The following FHIT variants were observed in gnomAD, a reference collection of about 807,000 sequenced individuals.
FHIT encodes the protein fragile histidine triad diadenosine triphosphatase.
A neutral mutation model predicts 17.9 loss-of-function variants in FHIT; 19 were observed. The observed-to-expected ratio is 1.06, with a 90% CI of 0.74 to 1.56. The LOEUF is 1.56. FHIT is among the 40% of genes most tolerant of loss of function. The probability of loss-of-function intolerance (pLI) is 0.00; values close to 1 mark genes in which losing one functional copy is unlikely to be tolerated. For synonymous variants in FHIT, 81 were observed against 69.7 expected (o/e 1.16, Z -0.81); for missense variants, 248 against 189.2 (o/e 1.31, Z -1.82).
At chr3:60,861,083 T>C (rs533332647) in intron 3 of FHIT, among the ~76,000 whole-genome samples, 1 of 95,452 alleles carries the variant, frequency 1.0e-5, no homozygotes, top group Admixed American at 1.3e-4. Flanking sequence ...ATGTACGTCA[T>C]ATATATCAGA....
intron 2 of FHIT, among the ~76,000 whole-genome samples, chr3:61,171,511 T>C (rs10049454): frequency 0.47 from 70,722 of 152,024 alleles, 17,322 homozygotes; most frequent in East Asian, 0.87. Context: ...AACTAAAGTG[T>C]ATCACACACC....
intron 3 of FHIT, among the ~76,000 whole-genome samples, chr3:60,961,284 G>GT (rs1709428266): frequency 6.6e-6 from 1 of 151,414 alleles, no homozygotes; most frequent in Admixed American, 6.6e-5. Context: ...GGGGTTGTTT[G>GT]TTTTTTTCTT....
chr3:60,234,926 T>C (rs1190402213), intron 5 of FHIT, among the ~76,000 whole-genome samples: 1 of 152,142 alleles, frequency 6.6e-6, no homozygotes, highest in Non-Finnish European at 1.5e-5. Context: ...AGGATAACTG[T>C]AGTTAGTTAA....
chr3:60,955,613 T>TATATATACATATATATATATAC (rs1709100131), intron 3 of FHIT, among the ~76,000 whole-genome samples: 1 of 13,312 alleles, frequency 7.5e-5, no homozygotes, highest in African/African-American at 1.2e-4. Flanking sequence ...TATATATATA[T>TATATATACATATATATATATAC]ATATATATAT....
At chr3:60,735,295 T>C (rs1359151477) in intron 4 of FHIT, among the ~76,000 whole-genome samples, 1 of 152,222 alleles carries the variant, frequency 6.6e-6, no homozygotes, top group Non-Finnish European at 1.5e-5. Flanking sequence ...CTCATTGTGC[T>C]GGTACCATCA....
intron 7 of FHIT, among the ~76,000 whole-genome samples, chr3:59,995,120 C>T (rs768020478): frequency 3.5e-4 from 53 of 152,014 alleles, no homozygotes; most frequent in Non-Finnish European, 7.7e-4. Flanking sequence ...CTCTGTTCAT[C>T]CCTTCTGACA....
intron 4 of FHIT, among the ~76,000 whole-genome samples, chr3:60,803,575 T>G (rs1231283119): frequency 1.3e-5 from 2 of 152,168 alleles, no homozygotes; most frequent in African/African-American, 4.8e-5. Flanking sequence ...TGTGGAAAGT[T>G]ACTGAATGGG....
rs527951488 is a variant in FHIT at position 60,655,506 on chromosome 3, C to T, written c.-17-118527G>A. Reference sequence around the variant, plus strand: ...ACGAGGAGAGAGCAAATGCAGTGTACGGAAATGAGACACATCATTTTATCT... The same window carrying T: ...ACGAGGAGAGAGCAAATGCAGTGTATGGAAATGAGACACATCATTTTATCT... On this transcript the variant is annotated intron_variant, in intron 4 of 9. Coordinates refer to ENST00000492590, the MANE Select transcript of FHIT (RefSeq NM_002012.4). Among the ~76,000 whole-genome samples the T allele has an allele frequency of 1.2e-4, 19 of 152,146 alleles. 1 individual carries two copies. The highest frequency in any genetic ancestry group is 1.2e-3 in the South Asian group (6 of 4,814).
chr3:61,030,805 G>A (rs559847831), intron 3 of FHIT, among the ~76,000 whole-genome samples: 2 of 152,302 alleles, frequency 1.3e-5, no homozygotes, highest in South Asian at 2.1e-4. Flanking sequence ...GAGGCAGGCC[G>A]TGAGCTGCCC....
intron 8 of FHIT, among the ~76,000 whole-genome samples, chr3:59,806,696 G>GTATATACA (rs762289616): frequency 5.4e-3 from 59 of 10,978 alleles, no homozygotes; most frequent in South Asian, 0.028. Context: ...ATATACATAT[G>GTATATACA]TATATATGTG....
chr3:60,707,417 A>T (rs892277131), intron 4 of FHIT, among the ~76,000 whole-genome samples: 6 of 152,200 alleles, frequency 3.9e-5, no homozygotes, highest in African/African-American at 1.2e-4. Flanking sequence ...AACTTAACAG[A>T]GTATTTATTG....
chr3:60,181,686 T>G (rs1701945681), intron 5 of FHIT, among the ~76,000 whole-genome samples: 1 of 152,176 alleles, frequency 6.6e-6, no homozygotes, highest in Non-Finnish European at 1.5e-5. Flanking sequence ...TTCATACAGA[T>G]TTGTGATCTG....
intron 4 of FHIT, among the ~76,000 whole-genome samples, chr3:60,612,106 T>A (rs59194055): frequency 2.0e-5 from 3 of 151,904 alleles, no homozygotes; most frequent in Non-Finnish European, 4.4e-5. Flanking sequence ...TACCCAAACC[T>A]GGGGCTACCT....
intron 1 of FHIT, among the ~76,000 whole-genome samples, chr3:61,209,400 C>T (rs945653272): frequency 2.6e-5 from 4 of 152,176 alleles, no homozygotes; most frequent in African/African-American, 9.7e-5. Flanking sequence ...TGAATGATAT[C>T]CTGCAGAGTG....
intron 4 of FHIT, chr3:60,730,321 A>G (rs376719483): frequency 3.8e-5 from 10 of 260,912 alleles, no homozygotes; most frequent in Non-Finnish European, 8.3e-5. Flanking sequence ...AGCCTCCCCA[A>G]TATCAATGGT....
At chr3:60,404,734 T>C (rs552971028) in intron 5 of FHIT, among the ~76,000 whole-genome samples, 6 of 152,250 alleles carry the variant, frequency 3.9e-5, no homozygotes, top group South Asian at 4.1e-4. Context: ...ATTTGTTGAA[T>C]GTAAGTTTTT....
chr3:60,718,042 T>C (rs968583650), intron 4 of FHIT, among the ~76,000 whole-genome samples: 1 of 152,252 alleles, frequency 6.6e-6, no homozygotes, highest in African/African-American at 2.4e-5. Context: ...GTTTTCATTC[T>C]GTCAGTATGG....
chr3:60,913,004 G>C (rs1046022746), intron 3 of FHIT, among the ~76,000 whole-genome samples: 2 of 152,164 alleles, frequency 1.3e-5, no homozygotes, highest in Non-Finnish European at 2.9e-5. Context: ...GAGGGAAATA[G>C]ATTTAGTACA....
chr3:59,790,522 CTCTCTCTG>C (rs140151967), intron 8 of FHIT, among the ~76,000 whole-genome samples: 11,198 of 145,426 alleles, frequency 0.077, 636 homozygotes, highest in African/African-American at 0.16. Context: ...CTCTCTCTCT[CTCTCTCTG>C]TGTGTGTGTG....
Sources: gnomAD v4.1 joint callset for allele counts (sites outside exome capture counted in the v4.1 genomes callset) on GRCh38, gnomAD v4.1.1 for gene constraint, MANE v1.5 for transcripts, NCBI Gene and HGNC (gene_info 2026-07-23, HGNC 2026-07-21) for gene names.